The following SPOCK1 variants were observed in gnomAD, a reference collection of about 807,000 sequenced individuals.
The protein encoded by SPOCK1 is testican-1.
A neutral mutation model predicts 55.3 loss-of-function variants in SPOCK1; 23 were observed. The ratio of observed to expected loss-of-function variants is 0.42; its 90% CI spans 0.30 to 0.59. SPOCK1 has a LOEUF of 0.59. SPOCK1 is among the 20% of genes least tolerant of loss of function. SPOCK1 has a pLI of 0.22. For synonymous variants in SPOCK1, 226 were observed against 221.0 expected, an observed-to-expected ratio of 1.02 and a Z score of -0.20; for missense variants, 499 against 552.5, an observed-to-expected ratio of 0.90 and a Z score of 0.97.
intron 6 of SPOCK1, among the ~76,000 whole-genome samples, chr5:137,036,839 T>C (rs530269501): frequency 9.9e-4 from 150 of 152,270 alleles, no homozygotes; most frequent in Non-Finnish European, 1.9e-3. Context: ...TTTAAAGTGC[T>C]ATTGATTTCT....
At chr5:137,094,484 AG>A (rs1306462073) in intron 5 of SPOCK1, among the ~76,000 whole-genome samples, 1 of 152,220 alleles carries the variant, frequency 6.6e-6, no homozygotes, top group Non-Finnish European at 1.5e-5. Context: ...TACATATAAA[AG>A]TTATGTTTAT....
At chr5:137,442,291 G>A (rs1342357151) in intron 2 of SPOCK1, among the ~76,000 whole-genome samples, 2 of 152,262 alleles carry the variant, frequency 1.3e-5, no homozygotes, top group South Asian at 2.1e-4. Flanking sequence ...GGAGCGGGGG[G>A]AAGATGCAGG....
chr5:136,999,826 T>C (rs916864875), intron 6 of SPOCK1, among the ~76,000 whole-genome samples: 2 of 152,144 alleles, frequency 1.3e-5, no homozygotes, highest in African/African-American at 2.4e-5. Context: ...GAACACCCAA[T>C]TGGGGATGTC....
chr5:137,239,828 C>A (rs575041485), intron 3 of SPOCK1, among the ~76,000 whole-genome samples: 40 of 152,096 alleles, frequency 2.6e-4, no homozygotes, highest in African/African-American at 9.2e-4. Context: ...CTAGGAAAAG[C>A]CTAAAAAGGT....
chr5:136,988,731 C>T (rs907794904), intron 7 of SPOCK1, 88 bp from the exon 8 acceptor site: 6 of 1,187,832 alleles, frequency 5.1e-6, no homozygotes, highest in Non-Finnish European at 7.0e-6. Context: ...CAAGAAGATG[C>T]CAAGGCCCAC....
chr5:137,134,784 A>T (rs764920996), intron 4 of SPOCK1, among the ~76,000 whole-genome samples: 1 of 152,236 alleles, frequency 6.6e-6, no homozygotes, highest in South Asian at 2.1e-4. Context: ...CAAAACTGAG[A>T]TGAAATAACC....
chr5:137,491,703 C>G (rs1019260697), intron 2 of SPOCK1, among the ~76,000 whole-genome samples: 2 of 152,152 alleles, frequency 1.3e-5, no homozygotes, highest in African/African-American at 4.8e-5. Context: ...AGACTATAAA[C>G]ACATGTGCCT....
rs112983669 is a variant in SPOCK1 at position 137,464,646 on chromosome 5, G to T, written c.186+33727C>A. Among the ~76,000 whole-genome samples the T allele has an allele frequency of 3.4e-3, 523 of 152,170 alleles. 4 individuals carry two copies. The highest frequency in any genetic ancestry group is 5.7e-3 in the Non-Finnish European group (388 of 68,018). Reference sequence around the variant, plus strand: ...GCCAGTCTAGGTGACAGGATGAATGGCAATGCCACTCACCACAATGAGAAG... The same window carrying T: ...GCCAGTCTAGGTGACAGGATGAATGTCAATGCCACTCACCACAATGAGAAG... On this transcript the variant is annotated intron_variant, in intron 2 of 10. Coordinates refer to ENST00000394945, the MANE Select transcript of SPOCK1 (RefSeq NM_004598.4).
intron 7 of SPOCK1, among the ~76,000 whole-genome samples, chr5:136,989,575 G>A (rs1359650597): frequency 1.3e-5 from 2 of 152,120 alleles, no homozygotes; most frequent in African/African-American, 4.8e-5. Flanking sequence ...CCTTGTAACA[G>A]TCCTATGAAA....
intron 6 of SPOCK1, among the ~76,000 whole-genome samples, chr5:137,063,157 C>T (rs868521531): frequency 3.4e-5 from 5 of 146,710 alleles, no homozygotes; most frequent in African/African-American, 1.0e-4. Flanking sequence ...GGCGTGAACC[C>T]GGGAAGCGGA....
At chr5:137,233,277 G>A (rs986189154) in intron 3 of SPOCK1, among the ~76,000 whole-genome samples, 5 of 152,170 alleles carry the variant, frequency 3.3e-5, no homozygotes, top group Non-Finnish European at 7.4e-5. Flanking sequence ...TGGGAGCCCT[G>A]AGCTTATTTT....
At chr5:137,242,735 AC>A (rs1375318778) in intron 3 of SPOCK1, among the ~76,000 whole-genome samples, 1 of 152,120 alleles carries the variant, frequency 6.6e-6, no homozygotes, top group African/African-American at 2.4e-5. Flanking sequence ...GAAACCCTGT[AC>A]CCCCAACCCC....
At chr5:137,101,117 A>T (rs1253611500) in intron 5 of SPOCK1, among the ~76,000 whole-genome samples, 7 of 152,170 alleles carry the variant, frequency 4.6e-5, no homozygotes, top group Non-Finnish European at 7.3e-5. Flanking sequence ...GTCTGACCAT[A>T]CTCATTAGAG....
chr5:137,128,862 A>G (rs896161914), intron 4 of SPOCK1, among the ~76,000 whole-genome samples: 3 of 152,180 alleles, frequency 2.0e-5, no homozygotes, highest in Non-Finnish European at 4.4e-5. Flanking sequence ...GGGATTTTCT[A>G]TCTTCTAGAT....
At chr5:137,356,875 A>AGAGAGAGAGT (rs1160198739) in intron 2 of SPOCK1, among the ~76,000 whole-genome samples, 5 of 127,682 alleles carry the variant, frequency 3.9e-5, no homozygotes, top group African/African-American at 1.5e-4. Flanking sequence ...AGAGAGAGAG[A>AGAGAGAGAGT]GTATGCAGAC....
intron 2 of SPOCK1, among the ~76,000 whole-genome samples, chr5:137,365,780 T>C (rs1337634708): frequency 6.6e-6 from 1 of 152,228 alleles, no homozygotes; most frequent in African/African-American, 2.4e-5. Context: ...AGGTTTTCTA[T>C]TATTGATAGA....
chr5:137,003,955 C>A (rs1348706440), intron 6 of SPOCK1, among the ~76,000 whole-genome samples: 1 of 152,120 alleles, frequency 6.6e-6, no homozygotes. Context: ...TGGGGAGGAT[C>A]AGGCATAGAC....
chr5:137,480,896 GAGGAAGAGGAGA>G (rs1191228803), intron 2 of SPOCK1, among the ~76,000 whole-genome samples: 1 of 152,060 alleles, frequency 6.6e-6, no homozygotes, highest in Non-Finnish European at 1.5e-5. Flanking sequence ...GGAGAGGGAA[GAGGAAGAGGAGA>G]AGGAAGAGGA....
intron 2 of SPOCK1, among the ~76,000 whole-genome samples, chr5:137,379,323 GAA>G (rs1395342917): frequency 4.0e-5 from 6 of 151,832 alleles, no homozygotes; most frequent in Non-Finnish European, 7.4e-5. Context: ...ATAACCATTT[GAA>G]AAGAGTTTCA....
Sources: allele counts gnomAD v4.1 joint callset (sites outside exome capture counted in the v4.1 genomes callset), GRCh38; gene constraint gnomAD v4.1.1; transcripts MANE v1.5; gene names NCBI Gene and HGNC (gene_info 2026-07-23, HGNC 2026-07-21).